Variants in CDH12 observed in about 807,000 individuals in gnomAD.
The protein encoded by CDH12 is cadherin 12, also known as cadherin-12.
Under a neutral mutation model 74.1 loss-of-function variants are expected in CDH12, and 41 were observed. That is an observed-to-expected ratio of 0.55 (90% CI 0.43 to 0.72). CDH12 has a LOEUF of 0.72. Among genes scored for constraint, CDH12 ranks in the 30% least tolerant of loss-of-function variants. CDH12 has a pLI of 0.00. For synonymous variants in CDH12, 399 were observed against 355.0 expected (o/e 1.12, Z -1.39); for missense variants, 945 against 977.2 (o/e 0.97, Z 0.44).
intron 5 of CDH12, among the ~76,000 whole-genome samples, chr5:21,986,468 G>C (rs956488377): frequency 1.3e-5 from 2 of 152,218 alleles, no homozygotes; most frequent in African/African-American, 4.8e-5. Context: ...TATAAAAGTT[G>C]GAGAGGTCAC....
chr5:22,519,424 CTTTT>C (rs373678915), intron 1 of CDH12, among the ~76,000 whole-genome samples: 5 of 140,714 alleles, frequency 3.6e-5, no homozygotes, highest in Admixed American at 1.4e-4. Flanking sequence ...TATCCACACT[CTTTT>C]TTTTTTTTTT....
intron 6 of CDH12, among the ~76,000 whole-genome samples, chr5:21,925,610 T>C (rs1013133031): frequency 3.3e-5 from 5 of 152,214 alleles, no homozygotes; most frequent in Non-Finnish European, 7.3e-5. Flanking sequence ...TTTCACTTAT[T>C]TATTCATTGT....
At chr5:22,641,802 T>C (rs1739166875) in intron 1 of CDH12, among the ~76,000 whole-genome samples, 1 of 152,254 alleles carries the variant, frequency 6.6e-6, no homozygotes, top group Non-Finnish European at 1.5e-5. Flanking sequence ...CACTAAAATA[T>C]AATCCCTGGA....
intron 3 of CDH12, among the ~76,000 whole-genome samples, chr5:22,376,936 G>A (rs1259486483): frequency 6.6e-6 from 1 of 152,038 alleles, no homozygotes; most frequent in Non-Finnish European, 1.5e-5. Context: ...TGTTTAGCAG[G>A]TAAACAGAAA....
intron 4 of CDH12, among the ~76,000 whole-genome samples, chr5:22,145,616 G>A (rs2150303351): frequency 6.6e-6 from 1 of 152,146 alleles, no homozygotes; most frequent in East Asian, 1.9e-4. Flanking sequence ...TAGAAATATG[G>A]GTATATAGAA....
rs1306152171 is a variant in CDH12, at chr5:22,775,987, C to T, written c.-523+77071G>A. Among the ~76,000 whole-genome samples, 8 of 152,150 alleles carry T rather than the reference C, an allele frequency of 5.3e-5. No individual in the cohort carries two copies. The South Asian group carries it at 1.0e-3, about 20-fold the overall frequency. On this transcript the variant is annotated intron_variant, in intron 1 of 14. Coordinates refer to ENST00000382254, the MANE Select transcript of CDH12 (RefSeq NM_004061.5). ...CTCTTCCTCATTTTTCTCTTGCTGCCACCATGTAAGAAGTGCCTTTTGCCT... is the reference window on the plus strand; with the variant it reads ...CTCTTCCTCATTTTTCTCTTGCTGCTACCATGTAAGAAGTGCCTTTTGCCT...
chr5:22,401,403 T>C (rs1316030814), intron 3 of CDH12, among the ~76,000 whole-genome samples: 3 of 152,194 alleles, frequency 2.0e-5, no homozygotes, highest in African/African-American at 7.2e-5. Flanking sequence ...TTACCTAAAT[T>C]CTTTTAGCAT....
chr5:21,993,128 G>A (rs1365049551), intron 5 of CDH12, among the ~76,000 whole-genome samples: 6 of 152,234 alleles, frequency 3.9e-5, no homozygotes, highest in East Asian at 3.9e-4. Flanking sequence ...ATTACAATTC[G>A]AGATGAGATT....
At chr5:22,706,441 G>T (rs1743014226) in intron 1 of CDH12, among the ~76,000 whole-genome samples, 1 of 151,808 alleles carries the variant, frequency 6.6e-6, no homozygotes, top group Non-Finnish European at 1.5e-5. Flanking sequence ...ATGTATCACA[G>T]ATTTTACCTT....
At chr5:21,847,421 C>G (rs1217454529) in intron 7 of CDH12, among the ~76,000 whole-genome samples, 5 of 152,082 alleles carry the variant, frequency 3.3e-5, no homozygotes, top group East Asian at 3.9e-4. Flanking sequence ...TCTTACAATT[C>G]TGGATGTAAG....
chr5:22,330,837 T>C (rs189960989), intron 3 of CDH12, among the ~76,000 whole-genome samples: 1 of 148,912 alleles, frequency 6.7e-6, no homozygotes, highest in East Asian at 2.0e-4. Context: ...AGTAGAGCAA[T>C]AAGCAGGCCC....
chr5:21,860,082 G>A (rs1750956731), intron 6 of CDH12, among the ~76,000 whole-genome samples: 1 of 151,968 alleles, frequency 6.6e-6, no homozygotes, highest in African/African-American at 2.4e-5. Flanking sequence ...GGTAGTAGAA[G>A]AAGGTCATCA....
chr5:21,895,574 C>T (rs766185636), intron 6 of CDH12, among the ~76,000 whole-genome samples: 12 of 152,164 alleles, frequency 7.9e-5, no homozygotes, highest in Non-Finnish European at 1.5e-4. Flanking sequence ...GAAACTGCAT[C>T]ACCTTGTTAG....
chr5:21,875,920 G>T (rs1337309812), intron 6 of CDH12, among the ~76,000 whole-genome samples: 30 of 119,954 alleles, frequency 2.5e-4, no homozygotes, highest in Non-Finnish European at 6.9e-5. Flanking sequence ...TTTCTGAAAC[G>T]GAGTCTCGCT....
chr5:22,080,764 T>C (rs1444285350), intron 4 of CDH12, among the ~76,000 whole-genome samples: 1 of 152,032 alleles, frequency 6.6e-6, no homozygotes, highest in Non-Finnish European at 1.5e-5. Flanking sequence ...AAAATTAATT[T>C]TGCTTCTTTC....
intron 6 of CDH12, among the ~76,000 whole-genome samples, chr5:21,954,773 G>T (rs558055138): frequency 6.6e-6 from 1 of 152,192 alleles, no homozygotes; most frequent in African/African-American, 2.4e-5. Flanking sequence ...AAAAGAGAGA[G>T]ATTAGTTATT....
intron 4 of CDH12, among the ~76,000 whole-genome samples, chr5:22,093,646 T>A (rs952243457): frequency 1.3e-5 from 2 of 152,098 alleles, no homozygotes; most frequent in Non-Finnish European, 2.9e-5. Context: ...TGCCAACGGG[T>A]TTGGGGTTCC....
chr5:22,241,990 A>G (rs1752767713), intron 3 of CDH12, among the ~76,000 whole-genome samples: 1 of 152,120 alleles, frequency 6.6e-6, no homozygotes, highest in Non-Finnish European at 1.5e-5. Context: ...GGAGACAGAT[A>G]TGGTAATAAG....
At chr5:21,822,558 T>A (rs1043607204) in intron 8 of CDH12, among the ~76,000 whole-genome samples, 2 of 152,012 alleles carry the variant, frequency 1.3e-5, no homozygotes, top group African/African-American at 4.8e-5. Flanking sequence ...ACTATCCTGA[T>A]AACAAAGCTG....
Sources: gnomAD v4.1 joint callset for allele counts (sites outside exome capture counted in the v4.1 genomes callset) on GRCh38, gnomAD v4.1.1 for gene constraint, MANE v1.5 for transcripts, NCBI Gene and HGNC (gene_info 2026-07-23, HGNC 2026-07-21) for gene names.